NELL1: variants seen among roughly 807,000 people sequenced by gnomAD.
NELL1 encodes protein kinase C-binding protein NELL1.
Under a neutral mutation model 107.4 loss-of-function variants are expected in NELL1, and 76 were observed. The ratio of observed to expected loss-of-function variants is 0.71; its 90% CI spans 0.59 to 0.86. The LOEUF (loss-of-function observed/expected upper bound fraction) is 0.86. Among genes scored for constraint, NELL1 ranks in the 40% least tolerant of loss-of-function variants. The pLI, the probability that NELL1 is intolerant of heterozygous loss-of-function variation, is 0.00. For synonymous variants in NELL1, 353 were observed against 341.2 expected, an observed-to-expected ratio of 1.03 and a Z score of -0.38; for missense variants, 1,024 against 1,005.5, an observed-to-expected ratio of 1.02 and a Z score of -0.25.
intron 16 of NELL1, among the ~76,000 whole-genome samples, chr11:21,538,139 G>A (rs988186901): frequency 6.6e-6 from 1 of 152,040 alleles, no homozygotes; most frequent in African/African-American, 2.4e-5. Context: ...AAAGTGGTTT[G>A]TAGCATATAC....
chr11:21,087,453 A>C (rs1854422096), intron 12 of NELL1, among the ~76,000 whole-genome samples: 1 of 152,204 alleles, frequency 6.6e-6, no homozygotes, highest in South Asian at 2.1e-4. Flanking sequence ...AATTTATGGA[A>C]AGAGATCTTT....
chr11:21,189,483 A>G (rs1162194920), intron 13 of NELL1, among the ~76,000 whole-genome samples: 2 of 151,812 alleles, frequency 1.3e-5, no homozygotes, highest in East Asian at 3.8e-4. Flanking sequence ...CTAAATATAA[A>G]AATCAAAAAG....
At chr11:21,448,838 T>C (rs550537261) in intron 15 of NELL1, among the ~76,000 whole-genome samples, 17 of 152,330 alleles carry the variant, frequency 1.1e-4, no homozygotes, top group Non-Finnish European at 2.1e-4. Context: ...TTATCAGACA[T>C]TTTTCATTTA....
At chr11:21,272,391 A>T (rs1479229590) in intron 14 of NELL1, among the ~76,000 whole-genome samples, 3 of 152,186 alleles carry the variant, frequency 2.0e-5, no homozygotes, top group African/African-American at 7.2e-5. Flanking sequence ...TGAGTAGATA[A>T]ACAAAGCAGC....
intron 12 of NELL1, among the ~76,000 whole-genome samples, chr11:21,064,749 G>A (rs1440513412): frequency 6.6e-6 from 1 of 152,048 alleles, no homozygotes; most frequent in Non-Finnish European, 1.5e-5. Flanking sequence ...TAAGTTAGAT[G>A]ACCCATGTCA....
chr11:20,808,424 C>T (rs753877312), intron 3 of NELL1, among the ~76,000 whole-genome samples: 1 of 152,188 alleles, frequency 6.6e-6, no homozygotes, highest in Non-Finnish European at 1.5e-5. Flanking sequence ...ATTTCCTCTC[C>T]TGAAGCAGAA....
intron 13 of NELL1, among the ~76,000 whole-genome samples, chr11:21,194,099 C>G (rs1284373419): frequency 6.6e-6 from 1 of 151,786 alleles, no homozygotes; most frequent in East Asian, 1.9e-4. Flanking sequence ...GACCTTTAGT[C>G]GCTGTTAAAA....
At chr11:21,088,369 A>T (rs991159775) in intron 12 of NELL1, among the ~76,000 whole-genome samples, 2 of 152,072 alleles carry the variant, frequency 1.3e-5, no homozygotes, top group Admixed American at 1.3e-4. Context: ...GTACAGTTAG[A>T]GTTTCACATG....
rs1302469449 is a variant in NELL1, at chr11:21,307,269, T to A, written c.1550-63584T>A. On this transcript the variant is annotated intron_variant, in intron 14 of 19. Coordinates refer to ENST00000357134, the MANE Select transcript of NELL1 (RefSeq NM_006157.5). ...AGCTGTAATAAGATTATATCTGATTTACTGTAGATGAAATAGTCCAATAAT... is the reference window on the plus strand; with the variant it reads ...AGCTGTAATAAGATTATATCTGATTAACTGTAGATGAAATAGTCCAATAAT... Among the ~76,000 whole-genome samples, 3 of 151,972 alleles carry A rather than the reference T, an allele frequency of 2.0e-5. No individual in the cohort carries two copies. In the Admixed American group the frequency reaches 2.0e-4, roughly 10 times the overall value.
At chr11:21,340,216 G>A (rs549187889) in intron 14 of NELL1, among the ~76,000 whole-genome samples, 10 of 152,176 alleles carry the variant, frequency 6.6e-5, no homozygotes, top group East Asian at 3.9e-4. Context: ...GCAATGGCGC[G>A]ATCTTGGCTC....
chr11:21,276,608 G>A (rs886826794), intron 14 of NELL1, among the ~76,000 whole-genome samples: 3 of 152,070 alleles, frequency 2.0e-5, no homozygotes, highest in African/African-American at 7.2e-5. Context: ...TAAGCCAAAA[G>A]AACAAAGCTG....
At chr11:21,001,796 C>T (rs531878623) in intron 12 of NELL1, among the ~76,000 whole-genome samples, 52 of 151,978 alleles carry the variant, frequency 3.4e-4, no homozygotes, top group African/African-American at 1.2e-3. Flanking sequence ...CGAGAACAGC[C>T]TCAAGGATGC....
chr11:20,763,810 C>T (rs1430536137), intron 2 of NELL1, among the ~76,000 whole-genome samples: 1 of 152,156 alleles, frequency 6.6e-6, no homozygotes, highest in African/African-American at 2.4e-5. Context: ...CTGGGAAGAA[C>T]CTGGAAGGGC....
chr11:21,341,171 A>G (rs1850555459), intron 14 of NELL1, among the ~76,000 whole-genome samples: 1 of 152,182 alleles, frequency 6.6e-6, no homozygotes, highest in Non-Finnish European at 1.5e-5. Context: ...GAAAACGCCT[A>G]CAGTGTTCAG....
At chr11:20,696,186 C>A (rs77492535) in intron 2 of NELL1, among the ~76,000 whole-genome samples, 1 of 151,986 alleles carries the variant, frequency 6.6e-6, no homozygotes, top group Non-Finnish European at 1.5e-5. Context: ...GTTAATCTAG[C>A]TAGTGCTCTA....
At chr11:21,273,111 C>T (rs952208503) in intron 14 of NELL1, among the ~76,000 whole-genome samples, 25 of 152,076 alleles carry the variant, frequency 1.6e-4, no homozygotes, top group African/African-American at 5.5e-4. Flanking sequence ...CTCCGAGCTA[C>T]AGGAGGAAGT....
intron 4 of NELL1, among the ~76,000 whole-genome samples, chr11:20,848,080 T>C (rs191199674): frequency 6.6e-6 from 1 of 152,030 alleles, no homozygotes; most frequent in East Asian, 1.9e-4. Context: ...CAGTTAACGG[T>C]GATGTATTGT....
At chr11:21,464,402 CAAAAA>C (rs60770584) in intron 15 of NELL1, among the ~76,000 whole-genome samples, 10 of 136,094 alleles carry the variant, frequency 7.3e-5, no homozygotes, top group East Asian at 2.2e-4. Context: ...ATGTCCGTGG[CAAAAA>C]AAAAAAAAAA....
At chr11:20,682,770 A>G (rs1321458366) in intron 2 of NELL1, among the ~76,000 whole-genome samples, 1 of 151,938 alleles carries the variant, frequency 6.6e-6, no homozygotes, top group East Asian at 1.9e-4. Flanking sequence ...CTTCTAGGCA[A>G]TTATTGATCT....
Sources: allele counts gnomAD v4.1 joint callset (sites outside exome capture counted in the v4.1 genomes callset), GRCh38; gene constraint gnomAD v4.1.1; transcripts MANE v1.5; gene names NCBI Gene and HGNC (gene_info 2026-07-23, HGNC 2026-07-21).